The following GPR176 variants were observed in gnomAD, a reference collection of about 807,000 sequenced individuals.
GPR176 encodes G protein-coupled receptor 176, also known as G-protein coupled receptor 176.
GPR176 carries 26 observed loss-of-function variants against 35.4 expected under a neutral mutation model. The observed-to-expected ratio is 0.74, with a 90% CI of 0.54 to 1.02. GPR176 has a LOEUF of 1.02. GPR176 is among the 50% of genes least tolerant of loss of function. GPR176 has a pLI of 0.00. For missense variants in GPR176, 597 were observed against 665.3 expected, an observed-to-expected ratio of 0.90 and a Z score of 1.13; for synonymous variants, 278 against 271.3, an observed-to-expected ratio of 1.02 and a Z score of -0.24.
chr15:39,819,527 AC>A (rs1049631247), intron 1 of GPR176, among the ~76,000 whole-genome samples: 2 of 152,186 alleles, frequency 1.3e-5, no homozygotes, highest in Non-Finnish European at 2.9e-5. Context: ...CTGTGTACTC[AC>A]TTTTATAACT....
intron 1 of GPR176, among the ~76,000 whole-genome samples, chr15:39,854,779 G>A (rs901486678): frequency 6.6e-6 from 1 of 152,094 alleles, no homozygotes; most frequent in African/African-American, 2.4e-5. Context: ...GCTCATACCT[G>A]TAATCCAAAC....
chr15:39,832,092 A>C (rs932703939), intron 1 of GPR176, among the ~76,000 whole-genome samples: 3 of 152,006 alleles, frequency 2.0e-5, no homozygotes, highest in African/African-American at 7.3e-5. Context: ...AAGACATACA[A>C]ATGGCCAATA....
At chr15:39,879,791 T>C (rs2032402909) in intron 1 of GPR176, among the ~76,000 whole-genome samples, 1 of 152,206 alleles carries the variant, frequency 6.6e-6, no homozygotes, top group African/African-American at 2.4e-5. Context: ...ACACTGCCCT[T>C]CTATATTTAT....
intron 1 of GPR176, among the ~76,000 whole-genome samples, chr15:39,828,689 A>G (rs77660106): frequency 6.6e-6 from 1 of 152,180 alleles, no homozygotes; most frequent in Non-Finnish European, 1.5e-5. Flanking sequence ...AAATAAAAAA[A>G]CCTGCCGTTG....
At chr15:39,909,056 C>G (rs1417101520) in intron 1 of GPR176, among the ~76,000 whole-genome samples, 1 of 152,190 alleles carries the variant, frequency 6.6e-6, no homozygotes, top group East Asian at 1.9e-4. Context: ...ATCTTTCAAC[C>G]ACCTGCTACC....
chr15:39,853,920 TATC>T (rs2031035529), intron 1 of GPR176, among the ~76,000 whole-genome samples: 2 of 152,262 alleles, frequency 1.3e-5, no homozygotes, highest in South Asian at 2.1e-4. Flanking sequence ...GCCTTACAAT[TATC>T]ATCATCATAA....
intron 1 of GPR176, among the ~76,000 whole-genome samples, chr15:39,850,146 T>A (rs958938635): frequency 6.6e-6 from 1 of 152,190 alleles, no homozygotes; most frequent in Non-Finnish European, 1.5e-5. Context: ...AGTGAGTGAA[T>A]GTGAAGGCCT....
In GPR176 at chr15:39,869,152, T is replaced by TA. The variant is rs66463189; in HGVS notation, c.172+50702dup. Among the ~76,000 whole-genome samples the TA allele has an allele frequency of 2.8e-3, 368 of 129,990 alleles. 3 individuals are homozygous for TA. The East Asian group carries it at 0.036, about 13-fold the overall frequency. 85.3% of individuals were successfully genotyped at this position (129,990 alleles called of 152,430 possible). A position where few individuals can be genotyped will look rare whatever the true frequency, so the allele number is the denominator to read the frequency against. On this transcript the variant is annotated intron_variant, in intron 1 of 2. Coordinates refer to ENST00000561100, the MANE Select transcript of GPR176 (RefSeq NM_007223.3). ...GTCCTTCATTCCCACAACTGCTTTTTAAAAAAAAAAAAAAAAAAAAAAGAA... is the reference window on the plus strand; with the variant it reads ...GTCCTTCATTCCCACAACTGCTTTTTAAAAAAAAAAAAAAAAAAAAAAAGAA...
intron 1 of GPR176, among the ~76,000 whole-genome samples, chr15:39,889,407 C>T (rs1338180426): frequency 2.0e-5 from 3 of 151,922 alleles, no homozygotes; most frequent in African/African-American, 7.3e-5. Context: ...AATAGCCAGG[C>T]ATGGTGGCGC....
intron 1 of GPR176, among the ~76,000 whole-genome samples, chr15:39,867,209 C>T (rs2031864479): frequency 6.6e-6 from 1 of 152,132 alleles, no homozygotes; most frequent in Non-Finnish European, 1.5e-5. Flanking sequence ...CGGCTGATAC[C>T]AATCAGTCCC....
Position 39,859,798 on chromosome 15 carries a change from G to A in GPR176, c.173-52540C>T, listed in dbSNP as rs375692946. Among the ~76,000 whole-genome samples the A allele has an allele frequency of 9.2e-5, 14 of 152,218 alleles. 1 individual carries two copies. The highest frequency in any genetic ancestry group is 3.9e-4 in the East Asian group (2 of 5,184). Reference sequence around the variant, plus strand: ...GACAGAAAGTAGATGGGTGGTTAACGGCGGCTGGGGTGAGGGAGAAAAGGG... The same window carrying A: ...GACAGAAAGTAGATGGGTGGTTAACAGCGGCTGGGGTGAGGGAGAAAAGGG... On this transcript the variant is annotated intron_variant, in intron 1 of 2. Coordinates refer to ENST00000561100, the MANE Select transcript of GPR176 (RefSeq NM_007223.3).
Position 39,879,936 on chromosome 15 carries a change from T to C in GPR176, c.172+39919A>G, listed in dbSNP as rs563300100. ...ATTTTAGTATCTGACTCATAGCCTC[T>C]GTCCCACCCAGGCCTTGCCATTATT... On this transcript the variant is annotated intron_variant, in intron 1 of 2. Transcript: ENST00000561100. 4.6e-5 allele frequency among the ~76,000 whole-genome samples: 7 copies of C among 152,374 alleles called. No homozygotes were observed. The South Asian group carries it at 1.4e-3, about 32-fold the overall frequency.
At chr15:39,825,008 C>G (rs183680094) in intron 1 of GPR176, among the ~76,000 whole-genome samples, 56 of 152,128 alleles carry the variant, frequency 3.7e-4, no homozygotes, top group African/African-American at 1.3e-3. Context: ...AATTTGAGAC[C>G]AGCCTAGGCA....
At chr15:39,906,975 CCACA>C (rs980164463) in intron 1 of GPR176, among the ~76,000 whole-genome samples, 5 of 152,138 alleles carry the variant, frequency 3.3e-5, no homozygotes, top group Non-Finnish European at 7.3e-5. Flanking sequence ...AGGGAGAACA[CCACA>C]CAAACAAGAT....
intron 1 of GPR176, among the ~76,000 whole-genome samples, chr15:39,919,187 G>A (rs2033805723): frequency 6.6e-6 from 1 of 151,772 alleles, no homozygotes; most frequent in Non-Finnish European, 1.5e-5. Flanking sequence ...CCCTGAACAA[G>A]TATACCTAAA....
chr15:39,904,720 G>T (rs2140873400), intron 1 of GPR176, among the ~76,000 whole-genome samples: 1 of 152,326 alleles, frequency 6.6e-6, no homozygotes, highest in South Asian at 2.1e-4. Context: ...TGGGCAGCCT[G>T]CACTCCCCGA....
At chr15:39,844,006 G>A (rs2030225829) in intron 1 of GPR176, among the ~76,000 whole-genome samples, 1 of 152,154 alleles carries the variant, frequency 6.6e-6, no homozygotes, top group Admixed American at 6.5e-5. Flanking sequence ...TTTATAAAGT[G>A]TCAAGAGGAT....
chr15:39,802,162 G>A lies in GPR176; in HGVS notation c.518C>T (p.Ala173Val). ...GGTTACTGCAAACACAGGGACACTG[G>A]CCACCACTGCATGGGCCCAGATGTA... ...VMYIWAHAVV[A>V]SVPVFAVTNV... is the part of the protein sequence containing the mutation. The change falls in exon 3 of 3, where the codon GCC becomes GTC. Residue 173 changes from alanine (A) to valine (V), a missense_variant. Ala to Val is a moderately conservative substitution (Grantham distance 64). Around this residue, in one of 3 missense-constraint regions of GPR176, gnomAD observed 220 missense variants for 297.6 expected, o/e 0.74. Coordinates refer to ENST00000561100, the MANE Select transcript of GPR176 (RefSeq NM_007223.3). 1 of 1,614,140 alleles carries A rather than the reference G, an allele frequency of 6.2e-7. No individual in the cohort carries two copies. Among genetic ancestry groups the A allele is most frequent in the Non-Finnish European group, 8.5e-7 (1 of 1,179,988 alleles).
In GPR176 at chr15:39,853,064, G is replaced by C. The variant is rs1225947120; in HGVS notation, c.173-45806C>G. 2.0e-5 allele frequency among the ~76,000 whole-genome samples: 3 copies of C among 151,930 alleles called. No homozygotes were observed. In the East Asian group the frequency reaches 5.8e-4, roughly 29 times the overall value. ...ATATAATCCAGCAATCTAATTTTTG[G>C]GTACATATACAAAAGAACTGAAATC... is the stretch of plus-strand genomic sequence containing the variant. On this transcript the variant is annotated intron_variant, in intron 1 of 2. Transcript: ENST00000561100.
Sources: allele counts gnomAD v4.1 joint callset (sites outside exome capture counted in the v4.1 genomes callset), GRCh38; gene constraint gnomAD v4.1.1; regional missense constraint gnomAD v4.1.1; transcripts MANE v1.5; gene names NCBI Gene and HGNC (gene_info 2026-07-23, HGNC 2026-07-21).